Variants in HMGCS2 observed in about 807,000 individuals in gnomAD.
HMGCS2 encodes 3-hydroxy-3-methylglutaryl-CoA synthase 2, also known as hydroxymethylglutaryl-CoA synthase, mitochondrial.
Under a neutral mutation model 57.4 loss-of-function variants are expected in HMGCS2, and 50 were observed. The observed-to-expected ratio is 0.87, with a 90% confidence interval of 0.69 to 1.10. HMGCS2 has a LOEUF of 1.10. Among genes scored for constraint, HMGCS2 ranks in the 50% least tolerant of loss-of-function variants. The pLI, the probability that HMGCS2 is intolerant of heterozygous loss-of-function variation, is 0.00. For synonymous variants in HMGCS2, 254 were observed against 245.1 expected (o/e 1.04, Z -0.34); for missense variants, 627 against 636.5 (o/e 0.99, Z 0.16).
chr1:119,761,562 A>T (rs2101267159), intron 2 of HMGCS2, among the ~76,000 whole-genome samples: 1 of 152,224 alleles, frequency 6.6e-6, no homozygotes, highest in East Asian at 1.9e-4. Flanking sequence ...TCAGGAGATC[A>T]AGACTATCCT....
intron 6 of HMGCS2, among the ~76,000 whole-genome samples, chr1:119,753,803 C>T (rs1296275746): frequency 6.6e-6 from 1 of 152,116 alleles, no homozygotes; most frequent in Non-Finnish European, 1.5e-5. Context: ...AATGGTTCAG[C>T]AGTCATAACT....
rs150978390 is a variant in HMGCS2, at chr1:119,757,902, C to A, written c.851-464G>T. 1.6e-4 allele frequency among the ~76,000 whole-genome samples: 25 copies of A among 152,372 alleles called. No homozygotes were observed. The East Asian group carries it at 4.2e-3, about 26-fold the overall frequency. ...TACATTTTAGTGCTGGGATCCAAAG[C>A]AGCATCTGTCACCTTACATATGCAA... On this transcript the variant is annotated intron_variant, in intron 4 of 9. Transcript: ENST00000369406.
chr1:119,751,161 C>T (rs1164388024), intron 8 of HMGCS2, among the ~76,000 whole-genome samples: 1 of 152,124 alleles, frequency 6.6e-6, no homozygotes, highest in African/African-American at 2.4e-5. Context: ...ACAACATTTT[C>T]CTACAGTAAA....
Position 119,752,543 on chromosome 1 carries a change from T to G in HMGCS2, c.1420+6A>C, listed in dbSNP as rs1021349624. 4.3e-6 allele frequency: 7 copies of G among 1,613,830 alleles called. No homozygotes were observed. The highest frequency in any genetic ancestry group is 3.3e-4 in the Middle Eastern group (2 of 6,082). ...TCTCTTCCTCTCTTCCTGACTTTTT[T>G]CTTACCCTTATGGTAGAATTGCTCT... On this transcript the variant is annotated splice_donor_region_variant and intron_variant, in intron 8 of 9. Coordinates refer to ENST00000369406, the MANE Select transcript of HMGCS2 (RefSeq NM_005518.4).
rs1173958102 is a variant in HMGCS2 at position 119,764,356 on chromosome 1, G to T, written c.375C>A (p.Gly125=). 6.2e-7 allele frequency: 1 copy of T among 1,614,226 alleles called. No individual in the cohort carries two copies. Among genetic ancestry groups the T allele is most frequent in the African/African-American group, 1.3e-5 (1 of 75,056 alleles). Residue 125 remains glycine (G), a synonymous_variant, in exon 2 of 10, where the codon GGC becomes GGA. Coordinates refer to ENST00000369406, the MANE Select transcript of HMGCS2 (RefSeq NM_005518.4). ...ERIQLPWDSV[G]RLEVGTETII... is the part of the protein sequence containing the mutation. ...TGGTCTCAGTGCCTACTTCCAGCCT[G>T]CCCACAGAGTCCCATGGGAGCTGTA...
In HMGCS2 at chr1:119,759,165, C is replaced by A; in HGVS notation, c.803G>T (p.Arg268Leu). Reference protein sequence around the residue: ...SIQCYLRALDRCYTSYRKKIQ... With the variant: ...SIQCYLRALDLCYTSYRKKIQ... ...TTTTTTACGGTATGATGTGTAACATCGATCCAAGGCCCGCAAGTAGCACTG... is the reference window on the plus strand; with the variant it reads ...TTTTTTACGGTATGATGTGTAACATAGATCCAAGGCCCGCAAGTAGCACTG... Residue 268 changes from arginine to leucine, a missense_variant, in exon 4 of 10, where the codon CGA (arginine) becomes CTA (leucine). Transcript: ENST00000369406. The A allele has an allele frequency of 6.2e-7, 1 of 1,614,154 alleles. No homozygotes were observed. The highest frequency in any genetic ancestry group is 1.1e-5 in the South Asian group (1 of 91,078).
intron 9 of HMGCS2, 89 bp downstream of exon 9, chr1:119,750,708 T>C: frequency 1.2e-6 from 1 of 814,558 alleles, no homozygotes; most frequent in South Asian, 1.4e-5. Flanking sequence ...TTCTTCTCCC[T>C]GCACCTGTCC....
At chr1:119,768,706 A>G in intron 1 of HMGCS2, 35 bp downstream of exon 1, 2 of 1,438,374 alleles carry the variant, frequency 1.4e-6, no homozygotes, top group Non-Finnish European at 2.0e-6. Flanking sequence ...ACTATCTTTT[A>G]CTAGTTACAA....
Position 119,755,407 on chromosome 1 carries a change from G to A in HMGCS2, c.1187+20C>T. 1.2e-6 allele frequency: 2 copies of A among 1,613,002 alleles called. No individual in the cohort carries two copies. Among genetic ancestry groups the A allele is most frequent in the Non-Finnish European group, 8.5e-7 (1 of 1,179,160 alleles). On this transcript the variant is annotated intron_variant, in intron 6 of 9. Transcript: ENST00000369406. ...GCTGAGGGTGTGCATGGAGGACATG[G>A]AGCCAGATGCAGTACTCACTGGGAC...
chr1:119,762,001 C>T (rs776539495), intron 2 of HMGCS2, among the ~76,000 whole-genome samples: 1 of 152,180 alleles, frequency 6.6e-6, no homozygotes, highest in African/African-American at 2.4e-5. Flanking sequence ...ACTTTTAAAT[C>T]AACCTATCCT....
At position 119,759,863 on chromosome 1, in the gene HMGCS2, C is replaced by T. The variant is rs774760787; in HGVS notation, c.685+1G>A. 3 of 1,614,104 alleles carry T rather than the reference C, an allele frequency of 1.9e-6. No homozygotes were observed. The South Asian group carries it at 3.3e-5, about 18-fold the overall frequency. ...CCTCTTGGTAATGGATTACTACAAA[C>T]CTCGCTCCAGGGCCAGAGGGGCCTT... On this transcript the variant is annotated splice_donor_variant, in intron 3 of 9. Transcript: ENST00000369406. LOFTEE classifies it high-confidence loss of function.
intron 8 of HMGCS2, among the ~76,000 whole-genome samples, chr1:119,751,578 T>G (rs933769447): frequency 2.6e-5 from 4 of 151,920 alleles, no homozygotes; most frequent in African/African-American, 9.7e-5. Flanking sequence ...TTTATAATTT[T>G]TATATTTTTA....
intron 6 of HMGCS2, among the ~76,000 whole-genome samples, chr1:119,755,098 C>A (rs920268408): frequency 5.3e-5 from 8 of 152,094 alleles, no homozygotes; most frequent in Admixed American, 1.3e-4. Context: ...CTCACTGCAA[C>A]CTTCCACTCC....
At chr1:119,756,410 C>T (rs1474089722) in intron 5 of HMGCS2, among the ~76,000 whole-genome samples, 1 of 151,862 alleles carries the variant, frequency 6.6e-6, no homozygotes, top group Non-Finnish European at 1.5e-5. Flanking sequence ...ATATGTTATA[C>T]TTTTTGTTTC....
At position 119,752,679 on chromosome 1, in the gene HMGCS2, G is replaced by A. The variant is rs587760290; in HGVS notation, c.1295-5C>T. The A allele has an allele frequency of 4.9e-5, 79 of 1,614,058 alleles. No homozygotes were observed. The South Asian group carries it at 8.2e-4, about 17-fold the overall frequency. ...CCAACTTGTCCAGGGGAGAGCCTGG[G>A]AAGCAAAAGCAAGATTGTTACACCT... On this transcript the variant is annotated splice_region_variant and splice_polypyrimidine_tract_variant and intron_variant, in intron 7 of 9. Transcript: ENST00000369406.
At chr1:119,753,550 C>T (rs1652735649) in intron 6 of HMGCS2, among the ~76,000 whole-genome samples, 164 bp from the exon 7 acceptor site, 1 of 152,136 alleles carries the variant, frequency 6.6e-6, no homozygotes, top group Non-Finnish European at 1.5e-5. Context: ...GGGTTCCAGG[C>T]ACCCTACATA....
intron 1 of HMGCS2, 80 bp from the exon 2 acceptor site, chr1:119,764,706 T>A: frequency 9.7e-7 from 1 of 1,033,782 alleles, no homozygotes; most frequent in Non-Finnish European, 1.5e-6. Flanking sequence ...AGCAATCATT[T>A]AATTAATTTT....
intron 7 of HMGCS2, 143 bp downstream of exon 7, chr1:119,753,137 C>A: frequency 1.4e-6 from 1 of 696,736 alleles, no homozygotes; most frequent in Non-Finnish European, 2.6e-6. Flanking sequence ...TTACTCCATG[C>A]TTAAATCCCT....
At chr1:119,763,631 G>A (rs912055717) in intron 2 of HMGCS2, among the ~76,000 whole-genome samples, 1 of 152,142 alleles carries the variant, frequency 6.6e-6, no homozygotes, top group Non-Finnish European at 1.5e-5. Context: ...TAAGATACAA[G>A]GTAATGTTAA....
Sources: allele counts gnomAD v4.1 joint callset (sites outside exome capture counted in the v4.1 genomes callset), GRCh38; gene constraint gnomAD v4.1.1; transcripts MANE v1.5; gene names NCBI Gene and HGNC (gene_info 2026-07-23, HGNC 2026-07-21).